Variants in DIP2C observed in about 807,000 individuals in gnomAD.
DIP2C encodes the protein DIP2 acetate--CoA ligase C (putative), also known as disco-interacting protein 2 homolog C.
DIP2C carries 33 observed loss-of-function variants against 192.4 expected under a neutral mutation model. The ratio of observed to expected loss-of-function variants is 0.17; its 90% CI spans 0.13 to 0.23. The LOEUF is 0.23. Among genes scored for constraint, DIP2C ranks in the 10% least tolerant of loss-of-function variants. The pLI is 1.00. For missense variants in DIP2C, 1,537 were observed against 2,110.1 expected (o/e 0.73, Z 5.32); for synonymous variants, 979 against 864.1 (o/e 1.13, Z -2.33).
At chr10:478,646 C>T (rs942296081) in intron 2 of DIP2C, among the ~76,000 whole-genome samples, 33 of 148,544 alleles carry the variant, frequency 2.2e-4, no homozygotes, top group Admixed American at 8.7e-4. Flanking sequence ...CAACTCATCC[C>T]GTGTCTGGGC....
chr10:300,430 C>T (rs116537447), intron 32 of DIP2C, among the ~76,000 whole-genome samples: 2,783 of 152,280 alleles, frequency 0.018, 69 homozygotes, highest in African/African-American at 0.063. Flanking sequence ...ACATGAGGTA[C>T]CTACCTAGAG....
chr10:621,757 G>C lies in DIP2C; in HGVS notation c.85+67737C>G, dbSNP rs551846402. Among the ~76,000 whole-genome samples, 7 of 152,324 alleles carry C rather than the reference G, an allele frequency of 4.6e-5. No individual in the cohort carries two copies. In the South Asian group the frequency reaches 1.4e-3, roughly 32 times the overall value. On this transcript the variant is annotated intron_variant, in intron 1 of 36. Coordinates refer to ENST00000280886, the MANE Select transcript of DIP2C (RefSeq NM_014974.3). ...TGATGAGCATGAACAAAAGACGGCA[G>C]GAGCTCATGCCAAGGTGCTGAGCAC...
chr10:574,162 C>T (rs1159324132), intron 1 of DIP2C, among the ~76,000 whole-genome samples: 1 of 152,144 alleles, frequency 6.6e-6, no homozygotes, highest in Non-Finnish European at 1.5e-5. Flanking sequence ...CTTTTTGCAT[C>T]GATAAAGACA....
intron 1 of DIP2C, among the ~76,000 whole-genome samples, chr10:661,839 C>G (rs1373092916): frequency 6.6e-6 from 1 of 152,220 alleles, no homozygotes; most frequent in Non-Finnish European, 1.5e-5. Context: ...CTCTAAGTAT[C>G]TCTGAATCAG....
chr10:656,270 C>T (rs11253305), intron 1 of DIP2C, among the ~76,000 whole-genome samples: 1 of 8,034 alleles, frequency 1.2e-4, no homozygotes, highest in African/African-American at 5.1e-4. Context: ...TATACCATTT[C>T]TCCTATTGTA....
At chr10:474,252 T>TA (rs1554871883) in intron 2 of DIP2C, among the ~76,000 whole-genome samples, 1 of 152,122 alleles carries the variant, frequency 6.6e-6, no homozygotes, top group Admixed American at 6.5e-5. Context: ...CACCACCCCT[T>TA]ACGCCACTGT....
intron 1 of DIP2C, among the ~76,000 whole-genome samples, chr10:572,086 G>T (rs562526684): frequency 1.3e-5 from 2 of 152,330 alleles, no homozygotes; most frequent in African/African-American, 2.4e-5. Flanking sequence ...CCCTTCTCGG[G>T]ATTGAGTGAC....
At chr10:568,788 A>AAAC (rs1564208315) in intron 1 of DIP2C, among the ~76,000 whole-genome samples, 12 of 142,638 alleles carry the variant, frequency 8.4e-5, no homozygotes, top group Middle Eastern at 3.5e-3. Flanking sequence ...AAAAAAAAAA[A>AAAC]AAAAAAAAAA....
chr10:382,704 T>C lies in DIP2C; in HGVS notation c.1934A>G (p.Gln645Arg). The C allele has an allele frequency of 6.2e-7, 1 of 1,613,966 alleles. No homozygotes were observed. Reference protein sequence around the residue: ...LNVFQSKGLRQEVICPCASSP... With the variant: ...LNVFQSKGLRREVICPCASSP... ...GCTGGCACAAGGACAGATGACCTCCTGTCGAAGGCCTTTACTTTGGAAGAC... is the reference window on the plus strand; with the variant it reads ...GCTGGCACAAGGACAGATGACCTCCCGTCGAAGGCCTTTACTTTGGAAGAC... Residue 645 changes from glutamine to arginine, a missense_variant, in exon 17 of 37, where the codon CAG (glutamine) becomes CGG (arginine). By Grantham distance (43) the Gln-to-Arg change is conservative (BLOSUM62 1). Around this residue, in one of 4 missense-constraint regions of DIP2C, gnomAD observed 677 missense variants for 989.9 expected, o/e 0.68. Transcript: ENST00000280886.
chr10:514,948 CTTTT>C (rs534775885), intron 1 of DIP2C, among the ~76,000 whole-genome samples: 2 of 152,104 alleles, frequency 1.3e-5, no homozygotes, highest in African/African-American at 4.8e-5. Context: ...AAAAAACAAG[CTTTT>C]TTTAACTTCT....
At chr10:389,843 T>C in intron 13 of DIP2C, 148 bp downstream of exon 13, 1 of 676,252 alleles carries the variant, frequency 1.5e-6, no homozygotes, top group Non-Finnish European at 2.6e-6. Context: ...GCTGAGCTGA[T>C]ATCCTAACTC....
intron 3 of DIP2C, among the ~76,000 whole-genome samples, chr10:442,963 T>G (rs1967867954): frequency 6.6e-6 from 1 of 152,228 alleles, no homozygotes; most frequent in East Asian, 1.9e-4. Context: ...AATTGGAAAT[T>G]TTCAAGAATA....
intron 31 of DIP2C, among the ~76,000 whole-genome samples, chr10:318,704 CAGGAAAGGGCATAA>C (rs1956877892): frequency 6.6e-6 from 1 of 152,134 alleles, no homozygotes; most frequent in African/African-American, 2.4e-5. Context: ...CGTGTGTCAG[CAGGAAAGGGCATAA>C]AGTTCCTGCT....
rs772033002 is a variant in DIP2C at position 546,301 on chromosome 10, AATTT to A, written c.86-59775_86-59772del. Among the ~76,000 whole-genome samples, 660 of 151,752 alleles carry A rather than the reference AATTT, an allele frequency of 4.3e-3. 2 individuals carry two copies. The highest frequency in any genetic ancestry group is 0.01 in the Middle Eastern group (3 of 292). ...TTAAAAAAAAAAAAAAAAAGTAACA[AATTT>A]ATTTTAAAATAATAAAGTCATTACA... is the stretch of plus-strand genomic sequence containing the variant. On this transcript the variant is annotated intron_variant, in intron 1 of 36. Coordinates refer to ENST00000280886, the MANE Select transcript of DIP2C (RefSeq NM_014974.3).
intron 2 of DIP2C, among the ~76,000 whole-genome samples, chr10:473,740 T>G (rs1443345349): frequency 2.0e-5 from 3 of 152,264 alleles, no homozygotes; most frequent in Non-Finnish European, 4.4e-5. Flanking sequence ...TCTTCAGAAA[T>G]GGATCAGTAA....
chr10:574,440 C>A (rs1243041011), intron 1 of DIP2C, among the ~76,000 whole-genome samples: 1 of 152,220 alleles, frequency 6.6e-6, no homozygotes, highest in Non-Finnish European at 1.5e-5. Flanking sequence ...AAGCAGAAGA[C>A]AATTCCTCAG....
intron 1 of DIP2C, among the ~76,000 whole-genome samples, chr10:553,551 T>C (rs1848687614): frequency 6.6e-6 from 1 of 152,250 alleles, no homozygotes; most frequent in Non-Finnish European, 1.5e-5. Flanking sequence ...TCACCACTTC[T>C]ATTTTCCATT....
intron 4 of DIP2C, among the ~76,000 whole-genome samples, chr10:425,977 CCA>C (rs1295401505): frequency 6.6e-6 from 1 of 152,148 alleles, no homozygotes; most frequent in Non-Finnish European, 1.5e-5. Flanking sequence ...TCCCCTCTTG[CCA>C]CTTTTATTTG....
At chr10:284,992 C>T (rs912067601) in intron 34 of DIP2C, among the ~76,000 whole-genome samples, 18 of 152,290 alleles carry the variant, frequency 1.2e-4, no homozygotes, top group Non-Finnish European at 2.4e-4. Context: ...TCGGGCAGCA[C>T]CCGTGAGGAC....
Sources: gnomAD v4.1 joint callset for allele counts (sites outside exome capture counted in the v4.1 genomes callset) on GRCh38, gnomAD v4.1.1 for gene constraint, gnomAD v4.1.1 regional missense constraint, MANE v1.5 for transcripts, NCBI Gene and HGNC (gene_info 2026-07-23, HGNC 2026-07-21) for gene names.